Variants in MS4A13 observed in about 807,000 individuals in gnomAD.
MS4A13 encodes the protein membrane spanning 4-domains A13.
MS4A13 carries 21 observed loss-of-function variants against 18.4 expected under a neutral mutation model. That is an observed-to-expected ratio of 1.14 (90% CI 0.81 to 1.64). The LOEUF (loss-of-function observed/expected upper bound fraction) is 1.64. Among genes scored for constraint, MS4A13 ranks in the 40% most tolerant of loss-of-function variants. MS4A13 has a pLI of 0.00. For synonymous variants in MS4A13, 62 were observed against 57.2 expected (o/e 1.08, Z -0.38); for missense variants, 173 against 176.8 (o/e 0.98, Z 0.12).
intron 4 of MS4A13, 59 bp downstream of exon 4, chr11:60,524,012 G>C (rs2086695606): frequency 9.6e-7 from 1 of 1,045,598 alleles, no homozygotes; most frequent in Non-Finnish European, 1.5e-6. Context: ...TAAATATTAA[G>C]TTTTAATGAA....
chr11:60,522,817 A>G (rs2086686894), intron 3 of MS4A13, among the ~76,000 whole-genome samples: 1 of 152,092 alleles, frequency 6.6e-6, no homozygotes, highest in African/African-American at 2.4e-5. Context: ...GAGGAGAAAA[A>G]CTGTGGATTT....
intron 6 of MS4A13, among the ~76,000 whole-genome samples, chr11:60,530,837 T>G (rs1451144683): frequency 6.6e-6 from 1 of 152,294 alleles, no homozygotes; most frequent in Non-Finnish European, 1.5e-5. Context: ...TGAGTTCTCA[T>G]GAGATCTGAT....
chr11:60,522,547 G>A (rs942948412), intron 3 of MS4A13, among the ~76,000 whole-genome samples: 1 of 152,050 alleles, frequency 6.6e-6, no homozygotes, highest in Non-Finnish European at 1.5e-5. Context: ...CAATATGGCT[G>A]CCCATTGAGA....
At chr11:60,531,469 G>A (rs184834409) in intron 6 of MS4A13, among the ~76,000 whole-genome samples, 1 of 152,164 alleles carries the variant, frequency 6.6e-6, no homozygotes, top group Non-Finnish European at 1.5e-5. Flanking sequence ...GGTTGAACAA[G>A]AGGCCTTGCA....
At chr11:60,529,999 C>G (rs2086752871) in intron 6 of MS4A13, among the ~76,000 whole-genome samples, 2 of 152,084 alleles carry the variant, frequency 1.3e-5, no homozygotes, top group African/African-American at 4.8e-5. Flanking sequence ...CATACAGGAC[C>G]ACTAATTCTT....
At chr11:60,525,581 C>G (rs984778651) in intron 5 of MS4A13, among the ~76,000 whole-genome samples, 7 of 152,142 alleles carry the variant, frequency 4.6e-5, no homozygotes, top group Non-Finnish European at 4.4e-5. Context: ...TGGCAAGTGT[C>G]TATGTATTAG....
At chr11:60,531,268 G>T (rs370336960) in intron 6 of MS4A13, among the ~76,000 whole-genome samples, 2 of 152,118 alleles carry the variant, frequency 1.3e-5, no homozygotes, top group East Asian at 3.9e-4. Context: ...GCCTGACTAA[G>T]ATCACAATAC....
chr11:60,542,113 C>T (rs2086863747), intron 6 of MS4A13, among the ~76,000 whole-genome samples: 1 of 38,284 alleles, frequency 2.6e-5, no homozygotes, highest in Non-Finnish European at 5.2e-5. Flanking sequence ...CAGAACAAGA[C>T]CTTGAAAAAA....
Position 60,531,666 on chromosome 11 carries a change from A to G in MS4A13, c.402+2206A>G, listed in dbSNP as rs147128775. Among the ~76,000 whole-genome samples the G allele has an allele frequency of 1.9e-3, 285 of 152,308 alleles. 1 individual carries two copies. Among genetic ancestry groups the G allele is most frequent in the Non-Finnish European group, 3.5e-3 (236 of 68,032 alleles). ...ATTTTCTTACAATTCCAGAGGCTAG[A>G]AGTTCAAGATCAAGGTGTTGGCAGG... On this transcript the variant is annotated intron_variant, in intron 6 of 6. Coordinates refer to ENST00000378186, the MANE Select transcript of MS4A13 (RefSeq NM_001012417.3).
At chr11:60,541,994 G>A (rs926405380) in intron 6 of MS4A13, among the ~76,000 whole-genome samples, 9 of 151,856 alleles carry the variant, frequency 5.9e-5, no homozygotes, top group African/African-American at 1.9e-4. Flanking sequence ...CTAACTACTC[G>A]GGTGGCTGGG....
chr11:60,528,235 T>C (rs889653846), intron 5 of MS4A13, among the ~76,000 whole-genome samples: 5 of 152,248 alleles, frequency 3.3e-5, no homozygotes, highest in African/African-American at 1.2e-4. Context: ...ATTTATGCTA[T>C]TAAACTCTTT....
In MS4A13 at chr11:60,523,971, A is replaced by C. The variant is rs947709753; in HGVS notation, c.186+18A>C. On this transcript the variant is annotated intron_variant, in intron 4 of 6. Transcript: ENST00000378186. Reference sequence around the variant, plus strand: ...GATCTGGAGTAAGTTGAAATGTTTGAGGTATCTCTAGAAATCACTTATCAC... The same window carrying C: ...GATCTGGAGTAAGTTGAAATGTTTGCGGTATCTCTAGAAATCACTTATCAC... The C allele has an allele frequency of 2.6e-5, 37 of 1,439,468 alleles. No homozygotes were observed. The highest frequency in any genetic ancestry group is 3.1e-5 in the Non-Finnish European group (32 of 1,023,964). The allele number at this position is 1,439,468 out of a possible 1,614,324, so 89.2% of individuals were successfully genotyped here.
intron 6 of MS4A13, among the ~76,000 whole-genome samples, chr11:60,531,996 C>G (rs2086771024): frequency 6.6e-6 from 1 of 152,124 alleles, no homozygotes; most frequent in Non-Finnish European, 1.5e-5. Context: ...AAATTGCTAC[C>G]ATATATTATC....
intron 3 of MS4A13, among the ~76,000 whole-genome samples, chr11:60,519,921 T>C (rs1325880512): frequency 6.6e-6 from 1 of 152,144 alleles, no homozygotes; most frequent in Non-Finnish European, 1.5e-5. Flanking sequence ...TAGCAGGTGA[T>C]GATCAGGTGG....
chr11:60,517,239 T>C (rs2086643806), intron 2 of MS4A13, among the ~76,000 whole-genome samples: 1 of 152,160 alleles, frequency 6.6e-6, no homozygotes, highest in African/African-American at 2.4e-5. Flanking sequence ...CCAATTGCAC[T>C]TATATATTTC....
intron 6 of MS4A13, 34 bp downstream of exon 6, chr11:60,529,494 G>A (rs778746758): frequency 7.9e-7 from 1 of 1,265,830 alleles, no homozygotes; most frequent in Non-Finnish European, 1.1e-6. Flanking sequence ...CAAATCAAAA[G>A]ATGTTGATTT....
intron 5 of MS4A13, 110 bp from the exon 6 acceptor site, chr11:60,529,255 C>CT (rs10667098): frequency 0.32 from 54,464 of 171,866 alleles, 13,339 homozygotes; most frequent in African/African-American, 0.42. Context: ...ATTTTCCTTC[C>CT]TTTTTTTTTT....
chr11:60,539,556 A>C (rs1035826734), intron 6 of MS4A13, among the ~76,000 whole-genome samples: 1 of 152,128 alleles, frequency 6.6e-6, no homozygotes, highest in South Asian at 2.1e-4. Flanking sequence ...AAATTAAAGA[A>C]ATAATGGCTC....
chr11:60,520,732 C>G (rs530078424), intron 3 of MS4A13, among the ~76,000 whole-genome samples: 1 of 152,196 alleles, frequency 6.6e-6, no homozygotes, highest in Non-Finnish European at 1.5e-5. Context: ...TCCAGGCACA[C>G]GGTGCAAGCT....
Sources: gnomAD v4.1 joint callset for allele counts (sites outside exome capture counted in the v4.1 genomes callset) on GRCh38, gnomAD v4.1.1 for gene constraint, MANE v1.5 for transcripts, NCBI Gene and HGNC (gene_info 2026-07-23, HGNC 2026-07-21) for gene names.